NPTXR: variants seen among roughly 807,000 people sequenced by gnomAD.
NPTXR encodes the protein neuronal pentraxin receptor.
NPTXR carries 12 observed loss-of-function variants against 32.2 expected under a neutral mutation model. The observed-to-expected ratio is 0.37, with a 90% CI of 0.24 to 0.60. The LOEUF (loss-of-function observed/expected upper bound fraction) is 0.60, where lower values mean the gene tolerates loss of function less well. Among genes scored for constraint, NPTXR ranks in the 20% least tolerant of loss-of-function variants. The pLI is 0.66. For missense variants in NPTXR, 612 were observed against 682.9 expected (o/e 0.90, Z 1.16); for synonymous variants, 323 against 315.8 (o/e 1.02, Z -0.24).
intron 2 of NPTXR, 91 bp downstream of exon 2, chr22:38,828,196 T>G: frequency 9.9e-7 from 1 of 1,012,900 alleles, no homozygotes; most frequent in Non-Finnish European, 1.5e-6. Context: ...AGTCTGTCGA[T>G]GTTAGCCTCC....
At chr22:38,825,965 C>A (rs567612811) in intron 3 of NPTXR, among the ~76,000 whole-genome samples, 1 of 152,178 alleles carries the variant, frequency 6.6e-6, no homozygotes, top group African/African-American at 2.4e-5. Flanking sequence ...GCCTCAGCCT[C>A]CCGAGTAGCT....
intron 1 of NPTXR, among the ~76,000 whole-genome samples, chr22:38,829,301 G>A (rs1039491274): frequency 7.9e-5 from 12 of 152,114 alleles, no homozygotes; most frequent in Admixed American, 4.6e-4. Flanking sequence ...CATCCAGCCC[G>A]GGATGAGGTC....
rs201779843 is a variant in NPTXR at position 38,822,567 on chromosome 22, C to T, written c.*42G>A. ...GGGAATATGACCCCCCTCAAGTCCCCAAAGTGGCAGGCAAGGGAGGGGCCC... is the reference window on the plus strand; with the variant it reads ...GGGAATATGACCCCCCTCAAGTCCCTAAAGTGGCAGGCAAGGGAGGGGCCC... On this transcript the variant is annotated 3_prime_UTR_variant, in exon 5 of 5. Transcript: ENST00000333039. 2,491 of 1,566,318 alleles carry T rather than the reference C, an allele frequency of 1.6e-3. 6 individuals carry two copies. Among genetic ancestry groups the T allele is most frequent in the Non-Finnish European group, 1.9e-3 (2,220 of 1,150,686 alleles).
chr22:38,823,660 T>G (rs2146190633), intron 3 of NPTXR, among the ~76,000 whole-genome samples: 1 of 152,288 alleles, frequency 6.6e-6, no homozygotes, highest in Non-Finnish European at 1.5e-5. Context: ...GAGGCCAGGC[T>G]CCAGCATCTG....
chr22:38,837,821 T>C (rs1193757555), intron 1 of NPTXR, among the ~76,000 whole-genome samples: 2 of 152,192 alleles, frequency 1.3e-5, no homozygotes, highest in African/African-American at 4.8e-5. Context: ...AGCCTTTCTA[T>C]TTCAGAGACT....
chr22:38,843,548 G>C lies in NPTXR; in HGVS notation c.311C>G (p.Pro104Arg). The C allele has an allele frequency of 1.6e-6, 2 of 1,243,328 alleles. No individual in the cohort carries two copies. Among genetic ancestry groups the C allele is most frequent in the Non-Finnish European group, 2.0e-6 (2 of 995,130 alleles). 77.0% of individuals were successfully genotyped at this position (1,243,328 alleles called of 1,614,324 possible). Residue 104 changes from proline to arginine, a missense_variant, in exon 1 of 5, where the codon CCG becomes CGG. Transcript: ENST00000333039. This position sits in a 1 kb window ranked among gnomAD's most constrained non-coding sequence, Gnocchi z 5.3. ...CGCGTCCCCCTGCTGGGCCCCCGAC[G>C]GGCAGGCAGCAGCCAGCGGCGTGCA...
chr22:38,825,257 A>AG (rs2034112973), intron 3 of NPTXR, among the ~76,000 whole-genome samples: 1 of 152,028 alleles, frequency 6.6e-6, no homozygotes, highest in South Asian at 2.1e-4. Flanking sequence ...AGAACAGGGG[A>AG]GGGGTTAAAA....
In NPTXR at chr22:38,822,476, G is replaced by C; in HGVS notation, c.*133C>G. The C allele has an allele frequency of 2.7e-6, 2 of 747,528 alleles. No homozygotes were observed. The highest frequency in any genetic ancestry group is 4.5e-6 in the Non-Finnish European group (2 of 440,768). 46.3% of individuals were successfully genotyped at this position (747,528 alleles called of 1,614,324 possible). On this transcript the variant is annotated 3_prime_UTR_variant, in exon 5 of 5. Coordinates refer to ENST00000333039, the MANE Select transcript of NPTXR (RefSeq NM_014293.4). Reference sequence around the variant, plus strand: ...ATTCTGGAGGTGTGGGTACAGGTGAGGGGAAATGGGAGGCACAGCCAGGAG... The same window carrying C: ...ATTCTGGAGGTGTGGGTACAGGTGACGGGAAATGGGAGGCACAGCCAGGAG...
At position 38,826,489 on chromosome 22, in the gene NPTXR, G is replaced by C. The variant is rs2093106822; in HGVS notation, c.1098+11C>G. 1 of 1,594,670 alleles carries C rather than the reference G, an allele frequency of 6.3e-7. No homozygotes were observed. Among genetic ancestry groups the C allele is most frequent in the Admixed American group, 1.7e-5 (1 of 59,238 alleles). ...CTCCCCCAGCCAGCCCTCCCTGCCA[G>C]CCCTGCCTACCTTGTCGTTGATCAG... is the stretch of plus-strand genomic sequence containing the variant. On this transcript the variant is annotated intron_variant, in intron 3 of 4. Transcript: ENST00000333039.
intron 2 of NPTXR, among the ~76,000 whole-genome samples, chr22:38,827,282 C>T (rs1282341552): frequency 7.4e-6 from 1 of 134,684 alleles, no homozygotes; most frequent in Non-Finnish European, 1.6e-5. Context: ...TTTTTTGAGA[C>T]GGAGTTTCCC....
Position 38,822,027 on chromosome 22 carries a change from G to C in NPTXR, c.*582C>G. 6.9e-6 allele frequency: 1 copy of C among 145,020 alleles called. No homozygotes were observed. The highest frequency in any genetic ancestry group is 1.5e-5 in the Non-Finnish European group (1 of 67,418). The allele number at this position is 145,020 out of a possible 1,614,324, so 9.0% of individuals were successfully genotyped here. On this transcript the variant is annotated 3_prime_UTR_variant, in exon 5 of 5. Transcript: ENST00000333039. Reference sequence around the variant, plus strand: ...ACATTCAAACCGCTACACACAAAGAGAGGAGGAAAGAGGAGGAAGAGGGAG... The same window carrying C: ...ACATTCAAACCGCTACACACAAAGACAGGAGGAAAGAGGAGGAAGAGGGAG...
chr22:38,831,828 C>T (rs139246749), intron 1 of NPTXR, among the ~76,000 whole-genome samples: 3 of 152,254 alleles, frequency 2.0e-5, no homozygotes, highest in East Asian at 3.9e-4. Flanking sequence ...AGGCACTTGG[C>T]ATGTGTTTAC....
intron 1 of NPTXR, among the ~76,000 whole-genome samples, chr22:38,836,400 G>A (rs760644089): frequency 6.6e-6 from 1 of 152,206 alleles, no homozygotes; most frequent in Non-Finnish European, 1.5e-5. Flanking sequence ...GCTCGTCCGC[G>A]CAACGGAACA....
In NPTXR at chr22:38,828,533, C is replaced by T. The variant is rs753719858; in HGVS notation, c.625-21G>A. The T allele has an allele frequency of 9.1e-6, 14 of 1,545,192 alleles. No homozygotes were observed. In the South Asian group the frequency reaches 1.5e-4, roughly 17 times the overall value. ...TCCTGCTGTTCACAGGGCAGAGAAA[C>T]AGAAATCAACTGAGGGGAGGAAGGA... On this transcript the variant is annotated intron_variant, in intron 1 of 4. Coordinates refer to ENST00000333039, the MANE Select transcript of NPTXR (RefSeq NM_014293.4).
rs1040133032 is a variant in NPTXR at position 38,828,177 on chromosome 22, C to G, written c.850+110G>C. 3 of 824,858 alleles carry G rather than the reference C, an allele frequency of 3.6e-6. No homozygotes were observed. In the African/African-American group the frequency reaches 5.0e-5, roughly 14 times the overall value. 51.1% of individuals were successfully genotyped at this position (824,858 alleles called of 1,614,324 possible). ...CACTGTGTGTTCCACAGCCTCCTCC[C>G]CACCCTCCAGTCTGTCGATGTTAGC... On this transcript the variant is annotated intron_variant, in intron 2 of 4. Transcript: ENST00000333039.
intron 1 of NPTXR, among the ~76,000 whole-genome samples, chr22:38,839,650 GAA>G (rs796456137): frequency 3.1e-5 from 4 of 130,770 alleles, no homozygotes; most frequent in African/African-American, 1.1e-4. Flanking sequence ...GTCTCAAAAA[GAA>G]AAAAAAAAAA....
intron 3 of NPTXR, among the ~76,000 whole-genome samples, chr22:38,824,640 G>A (rs933492483): frequency 6.6e-6 from 1 of 152,204 alleles, no homozygotes; most frequent in Non-Finnish European, 1.5e-5. Flanking sequence ...TGTTAGGCTG[G>A]CTCTCAAAAG....
intron 1 of NPTXR, among the ~76,000 whole-genome samples, chr22:38,840,442 C>A (rs1489403867): frequency 2.6e-5 from 4 of 151,974 alleles, no homozygotes; most frequent in African/African-American, 9.7e-5. Flanking sequence ...TTAAGGAAGA[C>A]CCTTGGGGCT....
intron 1 of NPTXR, among the ~76,000 whole-genome samples, chr22:38,829,750 C>T (rs547955091): frequency 2.1e-4 from 32 of 152,330 alleles, no homozygotes; most frequent in African/African-American, 7.7e-4. Flanking sequence ...GAGGGCACCC[C>T]CATTGTGCTG....
Sources: allele counts gnomAD v4.1 joint callset (sites outside exome capture counted in the v4.1 genomes callset), GRCh38; gene constraint gnomAD v4.1.1; non-coding constraint Gnocchi (gnomAD v3.1); transcripts MANE v1.5; gene names NCBI Gene and HGNC (gene_info 2026-07-23, HGNC 2026-07-21).